GUCY1A2: variants seen among roughly 807,000 people sequenced by gnomAD.
GUCY1A2 encodes the protein guanylate cyclase 1 soluble subunit alpha 2, also known as guanylate cyclase soluble subunit alpha-2.
GUCY1A2 carries 27 observed loss-of-function variants against 63.5 expected under a neutral mutation model. That is an observed-to-expected ratio of 0.43 (90% CI 0.31 to 0.59). The LOEUF (loss-of-function observed/expected upper bound fraction) is 0.59. GUCY1A2 is among the 20% of genes least tolerant of loss of function. The pLI is 0.11. For missense variants in GUCY1A2, 768 were observed against 913.3 expected (o/e 0.84, Z 2.05); for synonymous variants, 364 against 343.5 (o/e 1.06, Z -0.66).
intron 4 of GUCY1A2, among the ~76,000 whole-genome samples, chr11:106,842,737 AGGTGGGT>A (rs1565307307): frequency 1.3e-5 from 2 of 151,846 alleles, no homozygotes; most frequent in African/African-American, 4.8e-5. Flanking sequence ...GGAGGAATGA[AGGTGGGT>A]GGTGGGTGGA....
At chr11:106,903,762 T>C (rs1368800769) in intron 4 of GUCY1A2, among the ~76,000 whole-genome samples, 1 of 152,172 alleles carries the variant, frequency 6.6e-6, no homozygotes, top group Non-Finnish European at 1.5e-5. Flanking sequence ...TCTCTTGTAA[T>C]TTACCATCAA....
At chr11:106,845,645 T>A (rs565276365) in intron 4 of GUCY1A2, among the ~76,000 whole-genome samples, 1 of 151,590 alleles carries the variant, frequency 6.6e-6, no homozygotes, top group Admixed American at 6.6e-5. Context: ...ACCAGATAGT[T>A]TTAAAAAAAA....
chr11:106,943,595 T>C (rs936508353), intron 3 of GUCY1A2, among the ~76,000 whole-genome samples: 1 of 152,226 alleles, frequency 6.6e-6, no homozygotes, highest in Non-Finnish European at 1.5e-5. Flanking sequence ...ACAAGGACCT[T>C]GCCCTATTTA....
chr11:106,823,336 A>G (rs550874837), intron 4 of GUCY1A2, among the ~76,000 whole-genome samples: 1 of 152,288 alleles, frequency 6.6e-6, no homozygotes, highest in Admixed American at 6.5e-5. Flanking sequence ...ATAAGTGAGA[A>G]CAGGTGATAT....
chr11:106,699,877 G>C (rs1565261377), intron 7 of GUCY1A2, among the ~76,000 whole-genome samples: 2 of 151,778 alleles, frequency 1.3e-5, no homozygotes, highest in East Asian at 3.9e-4. Flanking sequence ...CGCCTCCCAG[G>C]TTCACGCCAT....
chr11:106,782,139 C>A (rs1029592087), intron 5 of GUCY1A2, among the ~76,000 whole-genome samples: 11 of 152,128 alleles, frequency 7.2e-5, no homozygotes, highest in Admixed American at 2.0e-4. Context: ...CCACCTCAGT[C>A]CTTCAATCTG....
At chr11:106,792,757 G>T (rs7103678) in intron 5 of GUCY1A2, among the ~76,000 whole-genome samples, 18 of 151,928 alleles carry the variant, frequency 1.2e-4, no homozygotes, top group African/African-American at 4.4e-4. Context: ...TATTGAAAAA[G>T]AAATTAAGAA....
intron 6 of GUCY1A2, among the ~76,000 whole-genome samples, chr11:106,765,723 A>AAATT (rs1272224186): frequency 7.9e-5 from 12 of 152,060 alleles, no homozygotes; most frequent in African/African-American, 2.9e-4. Context: ...TTGACCATCA[A>AAATT]AATTACTCTG....
chr11:106,725,394 G>C lies in GUCY1A2; in HGVS notation c.1837-16728C>G, dbSNP rs1863390097. Reference sequence around the variant, plus strand: ...TCACCGTTTTAGCCGGGATGGTCTCGATCTCCTGACCTCGTGATCCGCCCG... The same window carrying C: ...TCACCGTTTTAGCCGGGATGGTCTCCATCTCCTGACCTCGTGATCCGCCCG... On this transcript the variant is annotated intron_variant, in intron 6 of 7. Transcript: ENST00000526355. Among the ~76,000 whole-genome samples the C allele has an allele frequency of 1.4e-5, 2 of 145,620 alleles. 1 individual carries two copies. Among genetic ancestry groups the C allele is most frequent in the Non-Finnish European group, 3.0e-5 (2 of 66,316 alleles).
At chr11:106,882,097 T>C (rs535932936) in intron 4 of GUCY1A2, among the ~76,000 whole-genome samples, 14 of 152,038 alleles carry the variant, frequency 9.2e-5, no homozygotes, top group South Asian at 8.3e-4. Flanking sequence ...CTTCCTTCTC[T>C]TTTCTCATTT....
intron 4 of GUCY1A2, among the ~76,000 whole-genome samples, chr11:106,871,323 A>C (rs1414316891): frequency 6.6e-6 from 1 of 152,178 alleles, no homozygotes; most frequent in African/African-American, 2.4e-5. Context: ...AATTTTCTAC[A>C]AACTGGCAGT....
chr11:107,001,633 T>G lies in GUCY1A2; in HGVS notation c.304-15502A>C, dbSNP rs1214876070. Among the ~76,000 whole-genome samples the G allele has an allele frequency of 3.3e-5, 5 of 152,316 alleles. No homozygotes were observed. The East Asian group carries it at 9.6e-4, about 29-fold the overall frequency. On this transcript the variant is annotated intron_variant, in intron 1 of 7. Transcript: ENST00000526355. The stretch of plus-strand genomic sequence containing the variant: ...TGTTGTTGATTTTATTTTTCTTAAG[T>G]GGATTTGTATTCCCTTTTTTGGTTC...
At chr11:106,935,244 G>C (rs539389282) in intron 4 of GUCY1A2, among the ~76,000 whole-genome samples, 1 of 152,166 alleles carries the variant, frequency 6.6e-6, no homozygotes. Flanking sequence ...AAGGCAGTAA[G>C]TGAATAGGGG....
rs369143311 is a variant in GUCY1A2 at position 106,858,829 on chromosome 11, G to T, written c.1207-48351C>A. On this transcript the variant is annotated intron_variant, in intron 4 of 7. Transcript: ENST00000526355. ...AAAATCTTAGATGAGTACAATTCCA[G>T]GCCACTGTATTTAGATAACAGGTTT... is the stretch of plus-strand genomic sequence containing the variant. Among the ~76,000 whole-genome samples, 28 of 152,074 alleles carry T rather than the reference G, an allele frequency of 1.8e-4. No individual in the cohort carries two copies. The East Asian group carries it at 4.2e-3, about 23-fold the overall frequency.
intron 3 of GUCY1A2, among the ~76,000 whole-genome samples, chr11:106,944,332 G>A (rs1860796922): frequency 6.6e-6 from 1 of 150,784 alleles, no homozygotes; most frequent in South Asian, 2.1e-4. Context: ...CGCAGTCCCA[G>A]CTACTCTGGA....
intron 7 of GUCY1A2, among the ~76,000 whole-genome samples, chr11:106,703,034 T>G (rs1862844676): frequency 6.6e-6 from 1 of 152,100 alleles, no homozygotes; most frequent in Admixed American, 6.6e-5. Flanking sequence ...ATCTAATCTA[T>G]TCCAGCACAG....
intron 6 of GUCY1A2, among the ~76,000 whole-genome samples, chr11:106,737,806 C>T (rs976516853): frequency 1.2e-4 from 18 of 152,234 alleles, no homozygotes; most frequent in African/African-American, 4.1e-4. Flanking sequence ...GATTGATGGG[C>T]ATTTGGGTTG....
At chr11:106,819,922 T>G (rs954401678) in intron 4 of GUCY1A2, among the ~76,000 whole-genome samples, 1 of 152,122 alleles carries the variant, frequency 6.6e-6, no homozygotes, top group African/African-American at 2.4e-5. Flanking sequence ...TCACCTATAT[T>G]TGAAGTATAA....
rs542921829 is a variant in GUCY1A2 at position 106,758,430 on chromosome 11, A to G, written c.1836+18009T>C. Reference sequence around the variant, plus strand: ...GGCTTCCCTTGGCTAGGAAAGGGAAATCCCCCACCCCTTACACTTCACAGG... The same window carrying G: ...GGCTTCCCTTGGCTAGGAAAGGGAAGTCCCCCACCCCTTACACTTCACAGG... On this transcript the variant is annotated intron_variant, in intron 6 of 7. Coordinates refer to ENST00000526355, the MANE Select transcript of GUCY1A2 (RefSeq NM_000855.3). Among the ~76,000 whole-genome samples the G allele has an allele frequency of 4.6e-5, 7 of 152,260 alleles. No homozygotes were observed. The East Asian group carries it at 1.2e-3, about 25-fold the overall frequency.
Sources: allele counts gnomAD v4.1 joint callset (sites outside exome capture counted in the v4.1 genomes callset), GRCh38; gene constraint gnomAD v4.1.1; transcripts MANE v1.5; gene names NCBI Gene and HGNC (gene_info 2026-07-23, HGNC 2026-07-21).